The following CSMD1 variants were observed in gnomAD, a reference collection of about 807,000 sequenced individuals.
CSMD1 encodes CUB and sushi domain-containing protein 1.
A neutral mutation model predicts 417.5 loss-of-function variants in CSMD1; 213 were observed. That is an observed-to-expected ratio of 0.51 (90% CI 0.46 to 0.57). CSMD1 has a LOEUF of 0.57. CSMD1 is among the 20% of genes least tolerant of loss of function. The probability of loss-of-function intolerance (pLI) is 0.00; values close to 1 mark genes in which losing one functional copy is unlikely to be tolerated. For synonymous variants in CSMD1, 2,862 were observed against 1,736.8 expected, an observed-to-expected ratio of 1.65 and a Z score of -16.11; for missense variants, 6,923 against 4,529.7, an observed-to-expected ratio of 1.53 and a Z score of -15.17.
chr8:4,503,978 A>G (rs191461880), intron 2 of CSMD1, among the ~76,000 whole-genome samples: 3 of 151,972 alleles, frequency 2.0e-5, no homozygotes, highest in African/African-American at 7.3e-5. Flanking sequence ...TCAAAAAAAA[A>G]AAAAAAGAAA....
intron 46 of CSMD1, among the ~76,000 whole-genome samples, chr8:3,103,618 G>A (rs1815913891): frequency 1.3e-5 from 2 of 152,018 alleles, no homozygotes; most frequent in Non-Finnish European, 1.5e-5. Flanking sequence ...TATCTACACG[G>A]TCTGTCACGG....
At chr8:4,774,908 G>C (rs965238219) in intron 1 of CSMD1, among the ~76,000 whole-genome samples, 5 of 152,154 alleles carry the variant, frequency 3.3e-5, no homozygotes, top group East Asian at 1.9e-4. Context: ...GCAGAAGCCA[G>C]GCAGCTTCCA....
chr8:4,156,932 G>A (rs138377100), intron 3 of CSMD1, among the ~76,000 whole-genome samples: 16 of 152,218 alleles, frequency 1.1e-4, no homozygotes, highest in East Asian at 5.8e-4. Context: ...TGAGGGTTAC[G>A]AAACTTTATC....
intron 2 of CSMD1, among the ~76,000 whole-genome samples, chr8:4,549,992 A>G (rs959292284): frequency 2.0e-4 from 30 of 151,694 alleles, no homozygotes; most frequent in African/African-American, 6.5e-4. Context: ...TTTGAGTCAC[A>G]TTTCTGTTAA....
At chr8:4,336,895 G>A (rs1321289593) in intron 3 of CSMD1, among the ~76,000 whole-genome samples, 1 of 152,062 alleles carries the variant, frequency 6.6e-6, no homozygotes, top group East Asian at 1.9e-4. Flanking sequence ...GAATGGGATT[G>A]CCTAATTTCC....
intron 3 of CSMD1, among the ~76,000 whole-genome samples, chr8:4,131,141 A>G (rs867951106): frequency 1.3e-5 from 2 of 152,208 alleles, no homozygotes; most frequent in African/African-American, 4.8e-5. Context: ...AGTTATAATC[A>G]TAATGTAGAT....
chr8:3,777,873 G>T (rs4301469), intron 5 of CSMD1, among the ~76,000 whole-genome samples: 8 of 128,474 alleles, frequency 6.2e-5, no homozygotes, highest in Admixed American at 2.4e-4. Context: ...CTCCAGACCC[G>T]CAGTCTCCTT....
intron 1 of CSMD1, among the ~76,000 whole-genome samples, chr8:4,770,689 G>C (rs1796555693): frequency 6.6e-6 from 1 of 150,654 alleles, no homozygotes; most frequent in Admixed American, 6.8e-5. Flanking sequence ...TTCAACAAGA[G>C]TACAAAAAGG....
chr8:3,543,991 G>T (rs912076646), intron 10 of CSMD1, among the ~76,000 whole-genome samples: 3 of 152,138 alleles, frequency 2.0e-5, no homozygotes, highest in Admixed American at 6.5e-5. Context: ...GATAGGAAGG[G>T]GATCAAGAAG....
chr8:3,749,401 T>C (rs188210607), intron 6 of CSMD1, among the ~76,000 whole-genome samples: 1 of 152,152 alleles, frequency 6.6e-6, no homozygotes, highest in Non-Finnish European at 1.5e-5. Context: ...TGTAGAACAG[T>C]TTTACTTGTC....
chr8:4,771,330 AAAT>A (rs1260329965), intron 1 of CSMD1, among the ~76,000 whole-genome samples: 1 of 152,220 alleles, frequency 6.6e-6, no homozygotes, highest in Non-Finnish European at 1.5e-5. Context: ...AGCTGACAAT[AAAT>A]AAGTCGATTA....
intron 1 of CSMD1, among the ~76,000 whole-genome samples, chr8:4,882,529 G>T (rs1803479509): frequency 6.6e-6 from 1 of 151,768 alleles, no homozygotes; most frequent in African/African-American, 2.4e-5. Context: ...CACAGGTAAT[G>T]GTTTCTGTCC....
At chr8:3,872,316 C>G (rs574642703) in intron 5 of CSMD1, among the ~76,000 whole-genome samples, 41 of 152,260 alleles carry the variant, frequency 2.7e-4, no homozygotes, top group African/African-American at 9.4e-4. Flanking sequence ...CTGGCTCATT[C>G]TCAGTTCTCC....
chr8:4,209,939 TATGACA>T (rs1800209850), intron 3 of CSMD1, among the ~76,000 whole-genome samples: 1 of 152,222 alleles, frequency 6.6e-6, no homozygotes, highest in Non-Finnish European at 1.5e-5. Context: ...TGGGTGTTGC[TATGACA>T]ATGGTAAACT....
intron 26 of CSMD1, among the ~76,000 whole-genome samples, chr8:3,261,338 T>A (rs1801045323): frequency 6.6e-6 from 1 of 152,144 alleles, no homozygotes; most frequent in Admixed American, 6.6e-5. Flanking sequence ...ATTCTGCAAT[T>A]GCATTCTTGG....
At chr8:4,802,017 T>C (rs1018392702) in intron 1 of CSMD1, among the ~76,000 whole-genome samples, 2 of 152,162 alleles carry the variant, frequency 1.3e-5, no homozygotes, top group Non-Finnish European at 2.9e-5. Context: ...TTCCCTGGTG[T>C]AGACAGACCA....
chr8:4,360,023 T>C (rs1584954475), intron 3 of CSMD1, among the ~76,000 whole-genome samples: 2 of 152,284 alleles, frequency 1.3e-5, no homozygotes, highest in South Asian at 2.1e-4. Context: ...TCCAGCTCTC[T>C]TCCCTGTCCC....
intron 8 of CSMD1, among the ~76,000 whole-genome samples, chr8:3,603,402 G>A (rs1801456580): frequency 6.6e-6 from 1 of 152,094 alleles, no homozygotes; most frequent in African/African-American, 2.4e-5. Flanking sequence ...CAGCACGTCA[G>A]GAAAGGCTTG....
In CSMD1 at chr8:3,230,067, A is replaced by G; in HGVS notation, c.4318T>C (p.Trp1440Arg). 6.2e-7 allele frequency: 1 copy of G among 1,608,352 alleles called. No homozygotes were observed. Among genetic ancestry groups the G allele is most frequent in the Non-Finnish European group, 8.5e-7 (1 of 1,176,996 alleles). Residue 1440 changes from tryptophan (W) to arginine (R), a missense_variant, in exon 27 of 70, where the codon TGG becomes CGG. Physicochemically the swap from Trp to Arg is moderately radical, Grantham distance 101 (BLOSUM62 -3). Coordinates refer to ENST00000635120, the MANE Select transcript of CSMD1 (RefSeq NM_033225.6). ...TCVQLNNRFFWQPDPPTCIAA... is the reference protein window; with the variant it reads ...TCVQLNNRFFRQPDPPTCIAA... ...ATGCATGTAGGAGGGTCTGGTTGCCAAAAGAACCGGTTATTCAGCTGCACA... is the reference window on the plus strand; with the variant it reads ...ATGCATGTAGGAGGGTCTGGTTGCCGAAAGAACCGGTTATTCAGCTGCACA...
Sources: gnomAD v4.1 joint callset for allele counts (sites outside exome capture counted in the v4.1 genomes callset) on GRCh38, gnomAD v4.1.1 for gene constraint, MANE v1.5 for transcripts, NCBI Gene and HGNC (gene_info 2026-07-23, HGNC 2026-07-21) for gene names.